The following LINC00237 variants were observed in gnomAD, a reference collection of about 807,000 sequenced individuals.
LINC00237 encodes the protein long independently transcribed non-coding RNA 237, also known as long intergenic non-protein coding RNA 237.
chr20:21,089,464 G>A (rs146610121), intron 2 of LINC00237, among the ~76,000 whole-genome samples: 3 of 152,058 alleles, frequency 2.0e-5, no homozygotes, highest in African/African-American at 4.8e-5. Context: ...AAAGCAAACC[G>A]ATGGTTATTC....
chr20:21,101,687 G>C lies in LINC00237; in HGVS notation n.88+4584C>G, dbSNP rs1221737948. ...GGAGCCGGGCAAGACGTGTTTTCCC[G>C]CTCCTTCGAATTTAACCGCCCAGTG... On this transcript the variant is annotated intron_variant and non_coding_transcript_variant, in intron 1 of 3. Coordinates refer to ENST00000691244, the Ensembl canonical transcript of LINC00237. This position sits in a 1 kb window ranked among gnomAD's most constrained non-coding sequence, Gnocchi z 4.3. The C allele has an allele frequency of 6.6e-6, 1 of 152,412 alleles. No individual in the cohort carries two copies. The highest frequency in any genetic ancestry group is 2.4e-5 in the African/African-American group (1 of 41,464). The allele number at this position is 152,412 out of a possible 1,614,324, so 9.4% of individuals were successfully genotyped here. A position where few individuals can be genotyped will look rare whatever the true frequency, so the allele number is the denominator to read the frequency against.
At chr20:21,098,946 T>C (rs2030894717) in intron 1 of LINC00237, among the ~76,000 whole-genome samples, 1 of 152,220 alleles carries the variant, frequency 6.6e-6, no homozygotes, top group Admixed American at 6.5e-5. Context: ...CTGCTCTGGG[T>C]AACAGAAAGA....
At chr20:21,099,324 A>G (rs1393655173) in intron 1 of LINC00237, among the ~76,000 whole-genome samples, 1 of 149,506 alleles carries the variant, frequency 6.7e-6, no homozygotes, top group East Asian at 2.1e-4. Flanking sequence ...TTTATATTTG[A>G]AATAAACAAC....
intron 1 of LINC00237, among the ~76,000 whole-genome samples, chr20:21,099,964 T>C (rs745925166): frequency 4.6e-5 from 7 of 152,192 alleles, no homozygotes; most frequent in Non-Finnish European, 7.3e-5. Context: ...CCAGGAATAA[T>C]TGGAGATGTG....
At chr20:21,095,767 G>C (rs1419923504) in intron 1 of LINC00237, among the ~76,000 whole-genome samples, 1 of 152,176 alleles carries the variant, frequency 6.6e-6, no homozygotes, top group East Asian at 1.9e-4. Context: ...GCGTGTACCA[G>C]CTCAATGACC....
At chr20:21,106,115 C>T (rs1161161731) in intron 1 of LINC00237, among the ~76,000 whole-genome samples, 7 of 152,210 alleles carry the variant, frequency 4.6e-5, no homozygotes, top group African/African-American at 1.7e-4. Flanking sequence ...CATTTTCCAG[C>T]CTTCCACGCG....
intron 1 of LINC00237, among the ~76,000 whole-genome samples, chr20:21,094,356 C>T (rs532863559): frequency 1.2e-3 from 189 of 152,270 alleles, no homozygotes; most frequent in African/African-American, 4.4e-3. Flanking sequence ...GGAGCTCTAA[C>T]TTGCATTTTC....
intron 1 of LINC00237, among the ~76,000 whole-genome samples, chr20:21,098,331 C>T (rs558124618): frequency 6.6e-6 from 1 of 152,226 alleles, no homozygotes; most frequent in East Asian, 1.9e-4. Flanking sequence ...TGTATAAAAG[C>T]CTGCATGGCC....
chr20:21,094,357 T>C (rs1285714854), intron 1 of LINC00237, among the ~76,000 whole-genome samples: 3 of 152,170 alleles, frequency 2.0e-5, no homozygotes, highest in Non-Finnish European at 4.4e-5. Context: ...GAGCTCTAAC[T>C]TGCATTTTCT....
Position 21,101,099 on chromosome 20 carries a change from G to A in LINC00237, n.88+5172C>T, listed in dbSNP as rs2030925259. Reference sequence around the variant, plus strand: ...GCGTGATTAGCATGTGAAAAGGCGAGCAAAACTCCGCGGTTCAACAGCTAA... The same window carrying A: ...GCGTGATTAGCATGTGAAAAGGCGAACAAAACTCCGCGGTTCAACAGCTAA... On this transcript the variant is annotated intron_variant and non_coding_transcript_variant, in intron 1 of 3. Coordinates refer to ENST00000691244, the Ensembl canonical transcript of LINC00237. This position sits in a 1 kb window ranked among gnomAD's most constrained non-coding sequence, Gnocchi z 4.3. Among the ~76,000 whole-genome samples, 1 of 152,178 alleles carries A rather than the reference G, an allele frequency of 6.6e-6. No homozygotes were observed. Among genetic ancestry groups the A allele is most frequent in the Non-Finnish European group, 1.5e-5 (1 of 68,028 alleles).
rs2122182254 is a variant in LINC00237, at chr20:21,101,198, C to T, written n.88+5073G>A. Among the ~76,000 whole-genome samples the T allele has an allele frequency of 6.6e-6, 1 of 152,312 alleles. No homozygotes were observed. Among genetic ancestry groups the T allele is most frequent in the South Asian group, 2.1e-4 (1 of 4,826 alleles). ...ATCGGAGGAGAACACGGTTACAGCC[C>T]CTCGGCCGGGAATCCGACAGGGGAA... On this transcript the variant is annotated intron_variant and non_coding_transcript_variant, in intron 1 of 3. Transcript: ENST00000691244. The surrounding 1 kb of genome is among the most constrained non-coding windows in gnomAD (Gnocchi z 4.3).
At chr20:21,088,315 G>A (rs897069320) in intron 2 of LINC00237, among the ~76,000 whole-genome samples, 14 of 152,138 alleles carry the variant, frequency 9.2e-5, no homozygotes, top group African/African-American at 2.9e-4. Flanking sequence ...TTCTGGTTAC[G>A]TGAGCAAACC....
At chr20:21,095,437 A>G (rs2030845050) in intron 1 of LINC00237, among the ~76,000 whole-genome samples, 1 of 152,204 alleles carries the variant, frequency 6.6e-6, no homozygotes, top group Non-Finnish European at 1.5e-5. Context: ...GTAAGTCACT[A>G]AGTTTTGGGG....
At chr20:21,090,778 C>T (rs2030781339) in intron 2 of LINC00237, among the ~76,000 whole-genome samples, 2 of 152,278 alleles carry the variant, frequency 1.3e-5, no homozygotes, top group South Asian at 4.1e-4. Context: ...ATTCCAGGAA[C>T]ACCTCATTAC....
chr20:21,102,198 C>T (rs2030941740), intron 1 of LINC00237, among the ~76,000 whole-genome samples: 1 of 152,232 alleles, frequency 6.6e-6, no homozygotes, highest in South Asian at 2.1e-4. Context: ...CACTTCAAGG[C>T]CAAGTGGAGA....
exon 4 of LINC00237, among the ~76,000 whole-genome samples, chr20:21,085,666 C>G (rs1302060727): frequency 6.6e-6 from 1 of 152,102 alleles, no homozygotes; most frequent in Non-Finnish European, 1.5e-5. Flanking sequence ...CTTTGGGAGG[C>G]TATTGACTGA....
At chr20:21,087,689 A>G (rs892661022) in intron 3 of LINC00237, 1 of 152,220 alleles carries the variant, frequency 6.6e-6, no homozygotes, top group Admixed American at 6.5e-5. Context: ...GTAAAGCTGA[A>G]CATATTTTCA....
At chr20:21,100,861 T>C (rs930512752) in intron 1 of LINC00237, among the ~76,000 whole-genome samples, 2 of 151,982 alleles carry the variant, frequency 1.3e-5, no homozygotes, top group Non-Finnish European at 2.9e-5. Context: ...GAAAACCAAA[T>C]CGGGCCCATA....
intron 3 of LINC00237, among the ~76,000 whole-genome samples, chr20:21,086,635 C>CTATACATATGTAGTATACTA (rs1568883415): frequency 5.8e-5 from 4 of 68,648 alleles, no homozygotes; most frequent in East Asian, 1.3e-3. Context: ...ATATAGTATA[C>CTATACATATGTAGTATACTA]TATATATAGT....
Sources: gnomAD v4.1 joint callset for allele counts (sites outside exome capture counted in the v4.1 genomes callset) on GRCh38, gnomAD v4.1.1 for gene constraint, Gnocchi (gnomAD v3.1) non-coding constraint, MANE v1.5 for transcripts, NCBI Gene and HGNC (gene_info 2026-07-23, HGNC 2026-07-21) for gene names.